The following ACACA variants were observed in gnomAD, a reference collection of about 807,000 sequenced individuals.
ACACA encodes acetyl-CoA carboxylase alpha, also known as acetyl-CoA carboxylase 1.
A neutral mutation model predicts 296.1 loss-of-function variants in ACACA; 103 were observed. That is an observed-to-expected ratio of 0.35 (90% CI 0.30 to 0.41). ACACA has a LOEUF of 0.41. ACACA is among the 10% of genes least tolerant of loss of function. The pLI is 1.00. For synonymous variants in ACACA, 953 were observed against 1,038.6 expected, an observed-to-expected ratio of 0.92 and a Z score of 1.58; for missense variants, 1,554 against 2,989.7, an observed-to-expected ratio of 0.52 and a Z score of 11.20.
At chr17:37,142,444 T>C (rs1028368005) in intron 45 of ACACA, among the ~76,000 whole-genome samples, 1 of 152,190 alleles carries the variant, frequency 6.6e-6, no homozygotes, top group African/African-American at 2.4e-5. Flanking sequence ...ATTTTATGTG[T>C]GGGGAGGGAG....
At chr17:37,363,327 C>A (rs906616461) in intron 1 of ACACA, among the ~76,000 whole-genome samples, 1 of 151,512 alleles carries the variant, frequency 6.6e-6, no homozygotes, top group Non-Finnish European at 1.5e-5. Flanking sequence ...GGATTACTGG[C>A]GCGTGCCACC....
intron 8 of ACACA, among the ~76,000 whole-genome samples, chr17:37,275,057 T>C (rs2082220020): frequency 6.6e-6 from 1 of 152,152 alleles, no homozygotes; most frequent in African/African-American, 2.4e-5. Context: ...GTGTTGAGAA[T>C]AAATCACTTT....
chr17:37,171,038 A>T (rs1195893569), intron 41 of ACACA, among the ~76,000 whole-genome samples: 1 of 152,180 alleles, frequency 6.6e-6, no homozygotes, highest in Non-Finnish European at 1.5e-5. Flanking sequence ...ACATCTCCAC[A>T]CTTTGACTTG....
chr17:37,221,691 C>T, intron 29 of ACACA, 33 bp downstream of exon 29: 1 of 1,522,622 alleles, frequency 6.6e-7, no homozygotes, highest in Non-Finnish European at 9.1e-7. Flanking sequence ...ATACCTCTGG[C>T]TGGCTCGGGT....
At chr17:37,380,604 G>A (rs1020476031) in intron 1 of ACACA, among the ~76,000 whole-genome samples, 8 of 150,020 alleles carry the variant, frequency 5.3e-5, no homozygotes, top group African/African-American at 9.8e-5. Context: ...CTTTTTTTTT[G>A]TTTTTGTTTT....
intron 1 of ACACA, among the ~76,000 whole-genome samples, chr17:37,405,147 G>C (rs189072274): frequency 5.6e-4 from 86 of 152,230 alleles, no homozygotes; most frequent in African/African-American, 2.0e-3. Context: ...CTCATTAAAT[G>C]ATCAGATATT....
In ACACA at chr17:37,174,004, ATATATATATATATATATTTT is replaced by A. The variant is rs1310222576; in HGVS notation, c.5079+5236_5079+5255del. 1.8e-3 allele frequency among the ~76,000 whole-genome samples: 20 copies of A among 11,152 alleles called. 1 individual carries two copies. Among genetic ancestry groups the A allele is most frequent in the East Asian group, 8.7e-3 (3 of 344 alleles). 7.3% of individuals were successfully genotyped at this position (11,152 alleles called of 152,430 possible). ...AATTTATATATATATATATATATAT[ATATATATATATATATATTTT>A]TTTTTTTTTTTTTTTTTGTAGCGAT... is the stretch of plus-strand genomic sequence containing the variant. On this transcript the variant is annotated intron_variant, in intron 41 of 55. Transcript: ENST00000616317.
At chr17:37,133,712 A>T (rs948039450) in intron 45 of ACACA, among the ~76,000 whole-genome samples, 1 of 152,230 alleles carries the variant, frequency 6.6e-6, no homozygotes, top group African/African-American at 2.4e-5. Flanking sequence ...TCCCAAATAT[A>T]TTCCTCTTAC....
At chr17:37,378,359 G>A (rs772420598) in intron 1 of ACACA, among the ~76,000 whole-genome samples, 3 of 152,230 alleles carry the variant, frequency 2.0e-5, no homozygotes, top group Non-Finnish European at 2.9e-5. Context: ...AGAAAGTACA[G>A]CAGTGGAGTT....
At chr17:37,370,165 C>A (rs2049751572) in intron 1 of ACACA, among the ~76,000 whole-genome samples, 1 of 151,540 alleles carries the variant, frequency 6.6e-6, no homozygotes, top group South Asian at 2.1e-4. Flanking sequence ...GCCACCATGC[C>A]CATCTAATTT....
intron 29 of ACACA, among the ~76,000 whole-genome samples, chr17:37,214,629 T>C (rs1361217510): frequency 3.9e-5 from 6 of 152,148 alleles, no homozygotes; most frequent in Non-Finnish European, 8.8e-5. Flanking sequence ...AACTCAACTC[T>C]CCAATCTTAC....
At chr17:37,246,214 G>T (rs1362946519) in intron 19 of ACACA, among the ~76,000 whole-genome samples, 1 of 152,066 alleles carries the variant, frequency 6.6e-6, no homozygotes, top group Non-Finnish European at 1.5e-5. Context: ...GACATTTCTT[G>T]TCTGTTTTGT....
intron 45 of ACACA, among the ~76,000 whole-genome samples, chr17:37,141,854 G>A (rs2075596328): frequency 6.6e-6 from 1 of 151,748 alleles, no homozygotes. Flanking sequence ...ACCACGCCTG[G>A]CTAATTTTGT....
rs2050510645 is a variant in ACACA at position 37,386,011 on chromosome 17, T to C, written c.38+20251A>G. 1.9e-6 allele frequency: 3 copies of C among 1,577,574 alleles called. No individual in the cohort carries two copies. In the Admixed American group the frequency reaches 5.3e-5, roughly 28 times the overall value. On this transcript the variant is annotated intron_variant, in intron 1 of 55. Transcript: ENST00000616317. ...ATCTTTTCTACTTTGTTTTATAGCT[T>C]TTTTACCAGGGATCTCACAATGTAA...
chr17:37,174,020 A>ATATATATTTTT (rs552735515), intron 41 of ACACA, among the ~76,000 whole-genome samples: 2 of 16,794 alleles, frequency 1.2e-4, no homozygotes, highest in African/African-American at 5.1e-4. Context: ...ATATATATAT[A>ATATATATTTTT]TTTTTTTTTT....
At chr17:37,361,379 C>G (rs1000622517) in intron 1 of ACACA, among the ~76,000 whole-genome samples, 1 of 152,120 alleles carries the variant, frequency 6.6e-6, no homozygotes, top group Admixed American at 6.6e-5. Context: ...GCTTTACAAG[C>G]TCTGCAAAAC....
intron 1 of ACACA, among the ~76,000 whole-genome samples, chr17:37,344,107 G>T (rs1000957347): frequency 2.0e-5 from 3 of 151,408 alleles, no homozygotes; most frequent in East Asian, 3.9e-4. Context: ...AAATAAAAAA[G>T]AAATTTAAAA....
chr17:37,353,847 C>CTTGT (rs1227074072), intron 1 of ACACA, among the ~76,000 whole-genome samples: 3 of 151,584 alleles, frequency 2.0e-5, no homozygotes, highest in Admixed American at 2.0e-4. Context: ...GTGGCTCATA[C>CTTGT]TTGTAATCCC....
At chr17:37,147,339 G>A (rs2075854311) in intron 45 of ACACA, among the ~76,000 whole-genome samples, 1 of 152,034 alleles carries the variant, frequency 6.6e-6, no homozygotes, top group Non-Finnish European at 1.5e-5. Context: ...CTATACGCAA[G>A]ACACAGACAC....
Sources: allele counts gnomAD v4.1 joint callset (sites outside exome capture counted in the v4.1 genomes callset), GRCh38; gene constraint gnomAD v4.1.1; transcripts MANE v1.5; gene names NCBI Gene and HGNC (gene_info 2026-07-23, HGNC 2026-07-21).